Variants in ALOX12B observed in about 807,000 individuals in gnomAD.
The protein encoded by ALOX12B is arachidonate 12-lipoxygenase, 12R-type.
In ALOX12B, 47 loss-of-function variants were observed where a neutral mutation model predicts 78.9. That is an observed-to-expected ratio of 0.60 (90% confidence interval 0.47 to 0.76). ALOX12B has a LOEUF of 0.76. Ranked by LOEUF, ALOX12B falls within the 30% of genes least tolerant of loss-of-function variation. The probability of loss-of-function intolerance (pLI) is 0.00; values close to 1 mark genes in which losing one functional copy is unlikely to be tolerated. For synonymous variants in ALOX12B, 370 were observed against 374.5 expected, an observed-to-expected ratio of 0.99 and a Z score of 0.14; for missense variants, 805 against 922.6, an observed-to-expected ratio of 0.87 and a Z score of 1.65.
chr17:8,085,319 A>T (rs1341536511), intron 2 of ALOX12B, among the ~76,000 whole-genome samples: 1 of 152,150 alleles, frequency 6.6e-6, no homozygotes. Flanking sequence ...CATCTCTACT[A>T]AAAATGCAAA....
Position 8,080,153 on chromosome 17 carries a change from C to G in ALOX12B, c.754+82G>C. ...GCGCCTCGCTGCCTCTCCCGTCCCA[C>G]TGCCCCGAAGTCGGGGGCCTGCCTA... On this transcript the variant is annotated intron_variant, in intron 6 of 14. Transcript: ENST00000647874. This position sits in a 1 kb window ranked among gnomAD's most constrained non-coding sequence, Gnocchi z 4.8. 6.5e-7 allele frequency: 1 copy of G among 1,533,478 alleles called. No homozygotes were observed. The highest frequency in any genetic ancestry group is 9.0e-7 in the Non-Finnish European group (1 of 1,107,154). 95.0% of individuals were successfully genotyped at this position (1,533,478 alleles called of 1,614,324 possible). A position where few individuals can be genotyped will look rare whatever the true frequency, so the allele number is the denominator to read the frequency against.
In ALOX12B at chr17:8,082,880, A is replaced by G. The variant is rs371761460; in HGVS notation, c.353-1693T>C. Among the ~76,000 whole-genome samples, 23 of 152,198 alleles carry G rather than the reference A, an allele frequency of 1.5e-4. 4 individuals are homozygous for G. In the East Asian group the frequency reaches 1.7e-3, roughly 11 times the overall value. On this transcript the variant is annotated intron_variant, in intron 2 of 14. Transcript: ENST00000647874. ...ACTTTGTAGACACTTTACTTTTATTAATCTAAGCCTAAGAAGCACCCTATG... is the reference window on the plus strand; with the variant it reads ...ACTTTGTAGACACTTTACTTTTATTGATCTAAGCCTAAGAAGCACCCTATG...
chr17:8,084,164 A>AT (rs397959276), intron 2 of ALOX12B, among the ~76,000 whole-genome samples: 340 of 151,594 alleles, frequency 2.2e-3, no homozygotes, highest in African/African-American at 7.9e-3. Flanking sequence ...AAAAAAAAAA[A>AT]TTTGAAAATA....
rs1223817238 is a variant in ALOX12B, at chr17:8,080,387, C to T, written c.651-49G>A. ...AGGCCTTCAGAGGGGCTGCCAAGCG[C>T]CGGCTGGGGCAGGTGGCGGGGCCGC... On this transcript the variant is annotated intron_variant, in intron 5 of 14. Coordinates refer to ENST00000647874, the MANE Select transcript of ALOX12B (RefSeq NM_001139.3). This position sits in a 1 kb window ranked among gnomAD's most constrained non-coding sequence, Gnocchi z 4.8. 6.2e-7 allele frequency: 1 copy of T among 1,602,620 alleles called. No individual in the cohort carries two copies.
chr17:8,087,301 C>A lies in ALOX12B; in HGVS notation c.142G>T (p.Gly48Trp), dbSNP rs773802967. 1.9e-6 allele frequency: 3 copies of A among 1,613,618 alleles called. No homozygotes were observed. The highest frequency in any genetic ancestry group is 2.5e-6 in the Non-Finnish European group (3 of 1,179,882). ...LNHFGRDFAT[G>W]AVGQYTVQCP... ...ACACACACACACACTCTTACCGCCC[C>A]AGTTGCAAAGTCTCTCCCAAAGTGG... is the stretch of plus-strand genomic sequence containing the variant. The change falls in exon 1 of 15, where the codon GGG becomes TGG. Residue 48 changes from glycine to tryptophan, a missense_variant. Coordinates refer to ENST00000647874, the MANE Select transcript of ALOX12B (RefSeq NM_001139.3).
intron 3 of ALOX12B, 44 bp from the exon 4 acceptor site, chr17:8,081,020 C>A: frequency 6.2e-7 from 1 of 1,613,032 alleles, no homozygotes; most frequent in African/African-American, 1.3e-5. Flanking sequence ...CGTGCACCAC[C>A]CCAGGGCAAA....
At position 8,079,827 on chromosome 17, in the gene ALOX12B, G is replaced by C; in HGVS notation, c.869C>G (p.Thr290Arg). ...CAGGAACGGAGCCACCATGTCGTCTGTGACGGGGAACTTGTCTGGGATCCG... is the reference window on the plus strand; with the variant it reads ...CAGGAACGGAGCCACCATGTCGTCTCTGACGGGGAACTTGTCTGGGATCCG... ...CTRIPDKFPV[T>R]DDMVAPFLGE... Residue 290 changes from threonine (T) to arginine (R), a missense_variant, in exon 7 of 15, where the codon ACA (threonine) becomes AGA (arginine). Physicochemically the swap from Thr to Arg is moderately conservative, Grantham distance 71 (BLOSUM62 -1). Coordinates refer to ENST00000647874, the MANE Select transcript of ALOX12B (RefSeq NM_001139.3). This position sits in a 1 kb window ranked among gnomAD's most constrained non-coding sequence, Gnocchi z 6.4. The C allele has an allele frequency of 6.2e-7, 1 of 1,613,596 alleles. No individual in the cohort carries two copies. Among genetic ancestry groups the C allele is most frequent in the East Asian group, 2.2e-5 (1 of 44,868 alleles).
chr17:8,080,445 T>C lies in ALOX12B; in HGVS notation c.651-107A>G. ...ACTTAGGTCTCTGGGTCTCAGGGTC[T>C]GTGCGTCGCAAAGTCTCTGGGTCCC... On this transcript the variant is annotated intron_variant, in intron 5 of 14. Transcript: ENST00000647874. The surrounding 1 kb of genome is among the most constrained non-coding windows in gnomAD (Gnocchi z 4.8). The C allele has an allele frequency of 7.0e-7, 1 of 1,425,576 alleles. No individual in the cohort carries two copies. Among genetic ancestry groups the C allele is most frequent in the Non-Finnish European group, 9.9e-7 (1 of 1,011,324 alleles). 88.3% of individuals were successfully genotyped at this position (1,425,576 alleles called of 1,614,324 possible).
In ALOX12B at chr17:8,086,118, A is replaced by G; in HGVS notation, c.250T>C (p.Cys84Arg). 2 of 1,614,210 alleles carry G rather than the reference A, an allele frequency of 1.2e-6. No homozygotes were observed. The highest frequency in any genetic ancestry group is 1.1e-5 in the South Asian group (1 of 91,086). ...YAFFPKDPWY[C>R]NYVQICAPNG... ...GGGGCACAGATCTGCACATAGTTGC[A>G]GTACCAAGGGTCCTTGGGGAAGAAG... The change falls in exon 2 of 15, where the codon TGC becomes CGC. Residue 84 changes from cysteine to arginine, a missense_variant. Coordinates refer to ENST00000647874, the MANE Select transcript of ALOX12B (RefSeq NM_001139.3).
rs757960452 is a variant in ALOX12B, at chr17:8,079,480, G to A, written c.987C>T (p.Leu329=). 1.3e-6 allele frequency: 2 copies of A among 1,551,008 alleles called. No homozygotes were observed. Among genetic ancestry groups the A allele is most frequent in the Admixed American group, 3.9e-5 (2 of 51,038 alleles). ...CGCAGTGGTGCTGCTTCCGGCCGCT[G>A]AGCTCCACGGTGGGGATGCCCTCCA... ...RIMEGIPTVE[L]SGRKQHHCAP... The change falls in exon 8 of 15, where the codon CTC becomes CTT. Residue 329 remains leucine (L), a synonymous_variant. Coordinates refer to ENST00000647874, the MANE Select transcript of ALOX12B (RefSeq NM_001139.3). The surrounding 1 kb of genome is among the most constrained non-coding windows in gnomAD (Gnocchi z 6.4).
At chr17:8,077,614 C>T (rs939794072) in intron 8 of ALOX12B, among the ~76,000 whole-genome samples, 1 of 152,234 alleles carries the variant, frequency 6.6e-6, no homozygotes, top group African/African-American at 2.4e-5. Flanking sequence ...GAGCATCAGG[C>T]TCTGGGGCTC....
rs1286791895 is a variant in ALOX12B at position 8,079,360 on chromosome 17, G to C, written c.1071+36C>G. The C allele has an allele frequency of 1.9e-6, 3 of 1,549,994 alleles. No homozygotes were observed. The Admixed American group carries it at 5.9e-5, about 30-fold the overall frequency. Reference sequence around the variant, plus strand: ...ACTCGGAGGAGCATTCGCGCACACAGAGGCTCAGCGGCAGCGCCGCCTGCA... The same window carrying C: ...ACTCGGAGGAGCATTCGCGCACACACAGGCTCAGCGGCAGCGCCGCCTGCA... On this transcript the variant is annotated intron_variant, in intron 8 of 14. Coordinates refer to ENST00000647874, the MANE Select transcript of ALOX12B (RefSeq NM_001139.3). This position sits in a 1 kb window ranked among gnomAD's most constrained non-coding sequence, Gnocchi z 6.4.
In ALOX12B at chr17:8,072,666, T is replaced by C; in HGVS notation, c.*105A>G. 2 of 1,466,322 alleles carry C rather than the reference T, an allele frequency of 1.4e-6. No homozygotes were observed. Among genetic ancestry groups the C allele is most frequent in the South Asian group, 1.2e-5 (1 of 86,526 alleles). 90.8% of individuals were successfully genotyped at this position (1,466,322 alleles called of 1,614,324 possible). A position where few individuals can be genotyped will look rare whatever the true frequency, so the allele number is the denominator to read the frequency against. On this transcript the variant is annotated 3_prime_UTR_variant, in exon 15 of 15. Coordinates refer to ENST00000647874, the MANE Select transcript of ALOX12B (RefSeq NM_001139.3). Reference sequence around the variant, plus strand: ...GAAGGTTTTTTGTTTTTTTGTTTGTTTGGTGTTTTGGTCTCTGAGGTTTTT... The same window carrying C: ...GAAGGTTTTTTGTTTTTTTGTTTGTCTGGTGTTTTGGTCTCTGAGGTTTTT...
Position 8,087,370 on chromosome 17 carries a change from T to C in ALOX12B, c.73A>G (p.Thr25Ala). 6.2e-7 allele frequency: 1 copy of C among 1,614,092 alleles called. No individual in the cohort carries two copies. Among genetic ancestry groups the C allele is most frequent in the African/African-American group, 1.3e-5 (1 of 75,014 alleles). Residue 25 changes from threonine to alanine, a missense_variant, in exon 1 of 15, where the codon ACC becomes GCC. Physicochemically the swap from Thr to Ala is moderately conservative, Grantham distance 58. Coordinates refer to ENST00000647874, the MANE Select transcript of ALOX12B (RefSeq NM_001139.3). ...LSGTRDSISL[T>A]IVGTQGESHK... Reference sequence around the variant, plus strand: ...CTCTCTCCTTGTGTCCCCACAATGGTCAGTGAGATGGAGTCCCGTGTTCCC... The same window carrying C: ...CTCTCTCCTTGTGTCCCCACAATGGCCAGTGAGATGGAGTCCCGTGTTCCC...
rs1977193813 is a variant in ALOX12B, at chr17:8,080,574, G to A, written c.650+84C>T. 10 of 1,601,052 alleles carry A rather than the reference G, an allele frequency of 6.2e-6. No homozygotes were observed. The highest frequency in any genetic ancestry group is 8.5e-6 in the Non-Finnish European group (10 of 1,170,892). ...CCTTCCTGGCCATTCCAACCTCTGGGGCTGTCTTGGAGGCCGCCAAGGTTG... is the reference window on the plus strand; with the variant it reads ...CCTTCCTGGCCATTCCAACCTCTGGAGCTGTCTTGGAGGCCGCCAAGGTTG... On this transcript the variant is annotated intron_variant, in intron 5 of 14. Transcript: ENST00000647874. This position sits in a 1 kb window ranked among gnomAD's most constrained non-coding sequence, Gnocchi z 4.8.
At chr17:8,073,401 C>T (rs2151821052) in intron 13 of ALOX12B, 83 bp from the exon 14 acceptor site, 1 of 1,580,328 alleles carries the variant, frequency 6.3e-7, no homozygotes, top group Non-Finnish European at 8.7e-7. Flanking sequence ...ACCCGCCCTC[C>T]AGTCGCTGAG....
rs764444146 is a variant in ALOX12B, at chr17:8,079,943, TGCGAGGACGGC to T, written c.755-13_755-3del. 3.5e-5 allele frequency: 57 copies of T among 1,611,100 alleles called. No individual in the cohort carries two copies. Among genetic ancestry groups the T allele is most frequent in the Non-Finnish European group, 4.8e-5 (57 of 1,178,928 alleles). On this transcript the variant is annotated splice_polypyrimidine_tract_variant and splice_region_variant and intron_variant, in intron 6 of 14. Coordinates refer to ENST00000647874, the MANE Select transcript of ALOX12B (RefSeq NM_001139.3). This position sits in a 1 kb window ranked among gnomAD's most constrained non-coding sequence, Gnocchi z 6.4. ...CTGCCCAGTGCTCGGCCACGTACTC[TGCGAGGACGGC>T]GCGAGGGCGTCACAAGGAGGCCCGG...
At chr17:8,076,516 G>A (rs1977085846) in intron 10 of ALOX12B, 141 bp downstream of exon 10, 1 of 1,294,414 alleles carries the variant, frequency 7.7e-7, no homozygotes, top group Admixed American at 2.0e-5. Context: ...TTTCTAGACA[G>A]GAGAACCAAC....
intron 12 of ALOX12B, 120 bp from the exon 13 acceptor site, chr17:8,073,877 G>T (rs1042906970): frequency 1.3e-6 from 1 of 796,026 alleles, no homozygotes; most frequent in Non-Finnish European, 2.2e-6. Flanking sequence ...TGCCGCATCC[G>T]TACCCTCATC....
Sources: allele counts gnomAD v4.1 joint callset (sites outside exome capture counted in the v4.1 genomes callset), GRCh38; gene constraint gnomAD v4.1.1; non-coding constraint Gnocchi (gnomAD v3.1); transcripts MANE v1.5; gene names NCBI Gene and HGNC (gene_info 2026-07-23, HGNC 2026-07-21).